NET1: variants seen among roughly 807,000 people sequenced by gnomAD.
The protein encoded by NET1 is neuroepithelial cell-transforming gene 1 protein.
In NET1, 42 loss-of-function variants were observed where a neutral mutation model predicts 61.1. That is an observed-to-expected ratio of 0.69 (90% CI 0.54 to 0.89). NET1 has a LOEUF of 0.89. Among genes scored for constraint, NET1 ranks in the 40% least tolerant of loss-of-function variants. The probability of loss-of-function intolerance (pLI) is 0.00; values close to 1 mark genes in which losing one functional copy is unlikely to be tolerated. For missense variants in NET1, 654 were observed against 747.3 expected (o/e 0.88, Z 1.46); for synonymous variants, 254 against 281.8 (o/e 0.90, Z 0.99).
rs530503330 is a variant in NET1 at position 5,438,114 on chromosome 10, C to T, written c.255+8885C>T. 1.2e-4 allele frequency among the ~76,000 whole-genome samples: 19 copies of T among 152,256 alleles called. No homozygotes were observed. The South Asian group carries it at 3.3e-3, about 27-fold the overall frequency. Reference sequence around the variant, plus strand: ...AACAAAAGCATTGCTGAGAGAGAAACTTACAGGTGTAAACACTTTACATTA... The same window carrying T: ...AACAAAAGCATTGCTGAGAGAGAAATTTACAGGTGTAAACACTTTACATTA... On this transcript the variant is annotated intron_variant, in intron 3 of 11. Coordinates refer to ENST00000355029, the MANE Select transcript of NET1 (RefSeq NM_001047160.3).
intron 3 of NET1, among the ~76,000 whole-genome samples, chr10:5,448,560 T>G (rs1832653407): frequency 6.6e-6 from 1 of 152,140 alleles, no homozygotes; most frequent in Admixed American, 6.6e-5. Flanking sequence ...GTGTTGGACT[T>G]TTTTTCCCTC....
rs2119161292 is a variant in NET1, at chr10:5,415,563, C to A, written c.128+2743C>A. Among the ~76,000 whole-genome samples, 1 of 152,182 alleles carries A rather than the reference C, an allele frequency of 6.6e-6. No homozygotes were observed. The highest frequency in any genetic ancestry group is 2.4e-5 in the African/African-American group (1 of 41,530). ...CAAGTGATTCTCCTGCCTCAGCCTACCAAGTAGCTGGAACTACAGGCATGT... is the reference window on the plus strand; with the variant it reads ...CAAGTGATTCTCCTGCCTCAGCCTAACAAGTAGCTGGAACTACAGGCATGT... On this transcript the variant is annotated intron_variant, in intron 1 of 11. Transcript: ENST00000355029. The surrounding 1 kb of genome is among the most constrained non-coding windows in gnomAD (Gnocchi z 4.7).
chr10:5,450,587 T>TA (rs1374132342), intron 3 of NET1, among the ~76,000 whole-genome samples: 1 of 152,146 alleles, frequency 6.6e-6, no homozygotes, highest in East Asian at 1.9e-4. Context: ...CTGTTATTTT[T>TA]AAATGATGTC....
intron 3 of NET1, among the ~76,000 whole-genome samples, chr10:5,433,850 C>A (rs1832384902): frequency 6.6e-6 from 1 of 151,694 alleles, no homozygotes; most frequent in Non-Finnish European, 1.5e-5. Flanking sequence ...AACTTTTTAT[C>A]TTTTTATTTT....
Position 5,454,132 on chromosome 10 carries a change from C to T in NET1, c.769-133C>T. 1 of 919,526 alleles carries T rather than the reference C, an allele frequency of 1.1e-6. No individual in the cohort carries two copies. The highest frequency in any genetic ancestry group is 1.6e-6 in the Non-Finnish European group (1 of 606,232). The allele number at this position is 919,526 out of a possible 1,614,324, so 57.0% of individuals were successfully genotyped here. The stretch of plus-strand genomic sequence containing the variant: ...AATGCTATTCAGCTTCCATTATTAT[C>T]TGCCAGAAAATGTCCACAGCTTGTT... On this transcript the variant is annotated intron_variant, in intron 8 of 11. Coordinates refer to ENST00000355029, the MANE Select transcript of NET1 (RefSeq NM_001047160.3). The surrounding 1 kb of genome is among the most constrained non-coding windows in gnomAD (Gnocchi z 8.1).
At position 5,441,316 on chromosome 10, in the gene NET1, G is replaced by A. The variant is rs1832522670; in HGVS notation, c.256-10514G>A. Among the ~76,000 whole-genome samples, 1 of 152,258 alleles carries A rather than the reference G, an allele frequency of 6.6e-6. No individual in the cohort carries two copies. Among genetic ancestry groups the A allele is most frequent in the Admixed American group, 6.5e-5 (1 of 15,286 alleles). On this transcript the variant is annotated intron_variant, in intron 3 of 11. Coordinates refer to ENST00000355029, the MANE Select transcript of NET1 (RefSeq NM_001047160.3). The surrounding 1 kb of genome is among the most constrained non-coding windows in gnomAD (Gnocchi z 4.6). ...GGGTGGAAGGCAAGAGATACACAGT[G>A]CAGCTGAGGCAAGGGACTGTGGGGT...
In NET1 at chr10:5,421,837, A is replaced by G. The variant is rs1454881697; in HGVS notation, c.129-4818A>G. Reference sequence around the variant, plus strand: ...CTGCTTTCTAGCTCTATAAATTTCTATTTTCAGGACATACAAGTGGAATCA... The same window carrying G: ...CTGCTTTCTAGCTCTATAAATTTCTGTTTTCAGGACATACAAGTGGAATCA... On this transcript the variant is annotated intron_variant, in intron 1 of 11. Coordinates refer to ENST00000355029, the MANE Select transcript of NET1 (RefSeq NM_001047160.3). This position sits in a 1 kb window ranked among gnomAD's most constrained non-coding sequence, Gnocchi z 4.2. Among the ~76,000 whole-genome samples the G allele has an allele frequency of 1.3e-5, 2 of 152,098 alleles. No homozygotes were observed. The highest frequency in any genetic ancestry group is 2.9e-5 in the Non-Finnish European group (2 of 68,018).
Position 5,454,207 on chromosome 10 carries a change from G to A in NET1, c.769-58G>A. 6.5e-7 allele frequency: 1 copy of A among 1,534,274 alleles called. No individual in the cohort carries two copies. ...TTTTGTGTTTCATGTTTGCAGGCTT[G>A]TTAATGCACTCGGTCATAACAGGAA... On this transcript the variant is annotated intron_variant, in intron 8 of 11. Transcript: ENST00000355029. The surrounding 1 kb of genome is among the most constrained non-coding windows in gnomAD (Gnocchi z 8.1).
rs1832216157 is a variant in NET1, at chr10:5,423,729, T to C, written c.129-2926T>C. 2.0e-5 allele frequency among the ~76,000 whole-genome samples: 3 copies of C among 152,286 alleles called. No individual in the cohort carries two copies. The South Asian group carries it at 6.2e-4, about 32-fold the overall frequency. On this transcript the variant is annotated intron_variant, in intron 1 of 11. Transcript: ENST00000355029. The surrounding 1 kb of genome is among the most constrained non-coding windows in gnomAD (Gnocchi z 4.4). ...TATCCTCTGGAAAAATAACTTGCAA[T>C]CTTAATGTTTTATGAAATCATTTTT... is the stretch of plus-strand genomic sequence containing the variant.
Position 5,415,871 on chromosome 10 carries a change from G to A in NET1, c.128+3051G>A, listed in dbSNP as rs1832074151. 6.6e-6 allele frequency among the ~76,000 whole-genome samples: 1 copy of A among 152,040 alleles called. No individual in the cohort carries two copies. Among genetic ancestry groups the A allele is most frequent in the Non-Finnish European group, 1.5e-5 (1 of 68,014 alleles). On this transcript the variant is annotated intron_variant, in intron 1 of 11. Transcript: ENST00000355029. The surrounding 1 kb of genome is among the most constrained non-coding windows in gnomAD (Gnocchi z 4.7). ...GTTTGTCTTTTCACTTTCATGATGT[G>A]CTTCGAAGCACAAAAATGTTTTAGT...
Position 5,446,801 on chromosome 10 carries a change from T to C in NET1, c.256-5029T>C. The C allele has an allele frequency of 6.2e-7, 1 of 1,611,478 alleles. No homozygotes were observed. ...ATGATGAGACTGGAGGTCTCCTACC[T>C]ATTAAAAGGACCATACGAGTCCTAG... On this transcript the variant is annotated intron_variant, in intron 3 of 11. Coordinates refer to ENST00000355029, the MANE Select transcript of NET1 (RefSeq NM_001047160.3). The surrounding 1 kb of genome is among the most constrained non-coding windows in gnomAD (Gnocchi z 5.0).
rs1832519784 is a variant in NET1, at chr10:5,441,167, G to T, written c.256-10663G>T. 6.6e-6 allele frequency among the ~76,000 whole-genome samples: 1 copy of T among 152,236 alleles called. No individual in the cohort carries two copies. Among genetic ancestry groups the T allele is most frequent in the Admixed American group, 6.5e-5 (1 of 15,290 alleles). On this transcript the variant is annotated intron_variant, in intron 3 of 11. Transcript: ENST00000355029. The surrounding 1 kb of genome is among the most constrained non-coding windows in gnomAD (Gnocchi z 4.6). ...AGACTTCTCCTCTCAACGGACTGAA[G>T]AGGGGAGCTTTTATCCTGCAGCTTC...
Position 5,443,094 on chromosome 10 carries a change from G to A in NET1, c.256-8736G>A, listed in dbSNP as rs918540349. Reference sequence around the variant, plus strand: ...CAGGAGACTTTGGTTTTAAACTTAGGTCTACTGTTAACTTAGGTCACTAAC... The same window carrying A: ...CAGGAGACTTTGGTTTTAAACTTAGATCTACTGTTAACTTAGGTCACTAAC... On this transcript the variant is annotated intron_variant, in intron 3 of 11. Transcript: ENST00000355029. The surrounding 1 kb of genome is among the most constrained non-coding windows in gnomAD (Gnocchi z 4.8). 3.9e-5 allele frequency among the ~76,000 whole-genome samples: 6 copies of A among 152,108 alleles called. No homozygotes were observed. Among genetic ancestry groups the A allele is most frequent in the African/African-American group, 1.4e-4 (6 of 41,414 alleles).
rs1222098824 is a variant in NET1, at chr10:5,454,533, C to T, written c.1026+11C>T. On this transcript the variant is annotated intron_variant, in intron 9 of 11. Coordinates refer to ENST00000355029, the MANE Select transcript of NET1 (RefSeq NM_001047160.3). This position sits in a 1 kb window ranked among gnomAD's most constrained non-coding sequence, Gnocchi z 8.1. Reference sequence around the variant, plus strand: ...CTTCTGGAGGATGCTGTAAGTAGTCCCTTAAGTGATTGTTTTGTTTTTTAA... The same window carrying T: ...CTTCTGGAGGATGCTGTAAGTAGTCTCTTAAGTGATTGTTTTGTTTTTTAA... 1.9e-6 allele frequency: 3 copies of T among 1,598,482 alleles called. No homozygotes were observed. In the South Asian group the frequency reaches 3.4e-5, roughly 18 times the overall value.
Position 5,452,767 on chromosome 10 carries a change from C to A in NET1, c.532-91C>A. 1 of 1,185,198 alleles carries A rather than the reference C, an allele frequency of 8.4e-7. No homozygotes were observed. The highest frequency in any genetic ancestry group is 1.2e-6 in the Non-Finnish European group (1 of 821,486). 73.4% of individuals were successfully genotyped at this position (1,185,198 alleles called of 1,614,324 possible). Reference sequence around the variant, plus strand: ...TCAGACTGAGTTACTTTTTAAAATGCCGTTCAAAACATCAAATAATGTAAT... The same window carrying A: ...TCAGACTGAGTTACTTTTTAAAATGACGTTCAAAACATCAAATAATGTAAT... On this transcript the variant is annotated intron_variant, in intron 5 of 11. Coordinates refer to ENST00000355029, the MANE Select transcript of NET1 (RefSeq NM_001047160.3). The surrounding 1 kb of genome is among the most constrained non-coding windows in gnomAD (Gnocchi z 4.0).
rs775400081 is a variant in NET1 at position 5,454,639 on chromosome 10, T to G, written c.1026+117T>G. ...AGCATAGTGAATTGTTTTGTTGTTT[T>G]AAGTACCCAGTGCGTTAGTACGCTG... On this transcript the variant is annotated intron_variant, in intron 9 of 11. Transcript: ENST00000355029. The surrounding 1 kb of genome is among the most constrained non-coding windows in gnomAD (Gnocchi z 8.1). 3.1e-5 allele frequency: 39 copies of G among 1,257,634 alleles called. No homozygotes were observed. The highest frequency in any genetic ancestry group is 4.0e-5 in the Non-Finnish European group (36 of 910,980). 77.9% of individuals were successfully genotyped at this position (1,257,634 alleles called of 1,614,324 possible).
chr10:5,415,924 T>C lies in NET1; in HGVS notation c.128+3104T>C, dbSNP rs1209184890. On this transcript the variant is annotated intron_variant, in intron 1 of 11. Coordinates refer to ENST00000355029, the MANE Select transcript of NET1 (RefSeq NM_001047160.3). The surrounding 1 kb of genome is among the most constrained non-coding windows in gnomAD (Gnocchi z 4.7). Reference sequence around the variant, plus strand: ...GTAGTCCTACTTGTCTATTTTTGCTTTTGTTGCCTGTGTTTTGGTGTCACA... The same window carrying C: ...GTAGTCCTACTTGTCTATTTTTGCTCTTGTTGCCTGTGTTTTGGTGTCACA... Among the ~76,000 whole-genome samples the C allele has an allele frequency of 6.6e-6, 1 of 152,238 alleles. No homozygotes were observed. Among genetic ancestry groups the C allele is most frequent in the Non-Finnish European group, 1.5e-5 (1 of 68,050 alleles).
chr10:5,416,376 C>T lies in NET1; in HGVS notation c.128+3556C>T, dbSNP rs951824648. ...TTTTCCCAAGATTGTTGTGGCTATC[C>T]TGGGTCTCCTGCAATTCTATGTGAA... On this transcript the variant is annotated intron_variant, in intron 1 of 11. Coordinates refer to ENST00000355029, the MANE Select transcript of NET1 (RefSeq NM_001047160.3). This position sits in a 1 kb window ranked among gnomAD's most constrained non-coding sequence, Gnocchi z 6.1. Among the ~76,000 whole-genome samples, 12 of 152,086 alleles carry T rather than the reference C, an allele frequency of 7.9e-5. No homozygotes were observed. The highest frequency in any genetic ancestry group is 2.9e-4 in the African/African-American group (12 of 41,408).
chr10:5,425,349 A>G (rs1832243045), intron 1 of NET1, among the ~76,000 whole-genome samples: 1 of 152,154 alleles, frequency 6.6e-6, no homozygotes, highest in African/African-American at 2.4e-5. Flanking sequence ...AAGCTTGTAC[A>G]TTTTTGCAGG....
Sources: gnomAD v4.1 joint callset for allele counts (sites outside exome capture counted in the v4.1 genomes callset) on GRCh38, gnomAD v4.1.1 for gene constraint, Gnocchi (gnomAD v3.1) non-coding constraint, MANE v1.5 for transcripts, NCBI Gene and HGNC (gene_info 2026-07-23, HGNC 2026-07-21) for gene names.